HEPHL1: variants seen among roughly 807,000 people sequenced by gnomAD.
The protein encoded by HEPHL1 is ferroxidase HEPHL1.
In HEPHL1, 123 loss-of-function variants were observed where a neutral mutation model predicts 122.0. That is an observed-to-expected ratio of 1.01 (90% CI 0.87 to 1.17). The LOEUF is 1.17. Among genes scored for constraint, HEPHL1 ranks in the 50% most tolerant of loss-of-function variants. HEPHL1 has a pLI of 0.00. For synonymous variants in HEPHL1, 527 were observed against 508.9 expected (o/e 1.04, Z -0.48); for missense variants, 1,452 against 1,430.5 (o/e 1.01, Z -0.24).
At chr11:94,029,017 T>C (rs1945649340) in intron 1 of HEPHL1, among the ~76,000 whole-genome samples, 2 of 152,208 alleles carry the variant, frequency 1.3e-5, no homozygotes, top group African/African-American at 2.4e-5. Flanking sequence ...TAAAAAAGTA[T>C]AGGATCTCAC....
intron 9 of HEPHL1, among the ~76,000 whole-genome samples, chr11:94,076,748 A>C (rs997474577): frequency 6.6e-6 from 1 of 152,218 alleles, no homozygotes; most frequent in South Asian, 2.1e-4. Context: ...CTATAAGCAA[A>C]ATGGTCAGTC....
intron 13 of HEPHL1, among the ~76,000 whole-genome samples, chr11:94,096,592 G>T (rs930237181): frequency 1.1e-4 from 16 of 152,184 alleles, no homozygotes; most frequent in Non-Finnish European, 1.9e-4. Context: ...CAGAAGGAAT[G>T]GTACCAGCTC....
Position 94,045,601 on chromosome 11 carries a change from A to T in HEPHL1, c.171-72A>T, listed in dbSNP as rs1376479845. On this transcript the variant is annotated intron_variant, in intron 1 of 19. Transcript: ENST00000315765. ...AGAGGTCATACATGCAATACTTTAT[A>T]AACTCCTAGTGGTAAGCTATTAGGT... 2.1e-5 allele frequency: 28 copies of T among 1,327,114 alleles called. 1 individual carries two copies. The Admixed American group carries it at 6.2e-4, about 30-fold the overall frequency. The allele number at this position is 1,327,114 out of a possible 1,614,324, so 82.2% of individuals were successfully genotyped here. A position where few individuals can be genotyped will look rare whatever the true frequency, so the allele number is the denominator to read the frequency against.
intron 13 of HEPHL1, among the ~76,000 whole-genome samples, chr11:94,097,500 T>C (rs1222000195): frequency 1.3e-5 from 2 of 152,234 alleles, no homozygotes; most frequent in Non-Finnish European, 2.9e-5. Context: ...TCTGCTGATT[T>C]GGGGTAGAGA....
intron 5 of HEPHL1, 62 bp downstream of exon 5, chr11:94,067,812 C>G (rs1242776276): frequency 6.7e-7 from 1 of 1,498,778 alleles, no homozygotes; most frequent in African/African-American, 1.4e-5. Flanking sequence ...CACACAGTCA[C>G]TAGTGCTCAT....
chr11:94,043,614 C>T (rs1004315163), intron 1 of HEPHL1, among the ~76,000 whole-genome samples: 9 of 152,120 alleles, frequency 5.9e-5, no homozygotes, highest in Non-Finnish European at 1.3e-4. Flanking sequence ...GGTGTGCTCT[C>T]CCACTCTGGG....
rs185434317 is a variant in HEPHL1, at chr11:94,022,616, G to C, written c.170+1078G>C. On this transcript the variant is annotated intron_variant, in intron 1 of 19. Coordinates refer to ENST00000315765, the MANE Select transcript of HEPHL1 (RefSeq NM_001098672.2). ...TCATGTTTTGTTTACCAAAGATGAA[G>C]CCTGTGCCAGACAAGCTGCCAAGGC... Among the ~76,000 whole-genome samples, 316 of 152,336 alleles carry C rather than the reference G, an allele frequency of 2.1e-3. 1 individual carries two copies. Among genetic ancestry groups the C allele is most frequent in the Non-Finnish European group, 2.9e-3 (198 of 68,036 alleles).
intron 17 of HEPHL1, among the ~76,000 whole-genome samples, chr11:94,107,273 G>C (rs1269013610): frequency 6.6e-6 from 1 of 152,160 alleles, no homozygotes; most frequent in Admixed American, 6.5e-5. Flanking sequence ...AGCCTGCTAT[G>C]ATTAGAGTTT....
chr11:94,104,064 G>A (rs771884920), intron 15 of HEPHL1, among the ~76,000 whole-genome samples: 3 of 152,170 alleles, frequency 2.0e-5, no homozygotes, highest in Admixed American at 6.5e-5. Context: ...AATTCTATAG[G>A]AGTGGCAGGC....
chr11:94,059,176 T>C (rs1211688848), intron 2 of HEPHL1, among the ~76,000 whole-genome samples: 2 of 152,184 alleles, frequency 1.3e-5, no homozygotes, highest in Non-Finnish European at 2.9e-5. Flanking sequence ...GCTATAATGC[T>C]TTCTGTTTTT....
At chr11:94,024,300 C>A (rs1231566179) in intron 1 of HEPHL1, among the ~76,000 whole-genome samples, 1 of 152,196 alleles carries the variant, frequency 6.6e-6, no homozygotes, top group Non-Finnish European at 1.5e-5. Context: ...TATAATCTCT[C>A]TGAATATCAC....
At chr11:94,105,275 C>T (rs1946399408) in intron 16 of HEPHL1, among the ~76,000 whole-genome samples, 1 of 152,150 alleles carries the variant, frequency 6.6e-6, no homozygotes, top group Non-Finnish European at 1.5e-5. Flanking sequence ...AAGGCCTTGC[C>T]CAAGGTCACA....
At chr11:94,069,112 G>C (rs1946055664) in intron 5 of HEPHL1, among the ~76,000 whole-genome samples, 2 of 152,152 alleles carry the variant, frequency 1.3e-5, no homozygotes, top group South Asian at 4.1e-4. Flanking sequence ...GGAAGAAACT[G>C]TAGATTTAAA....
Position 94,073,340 on chromosome 11 carries a change from C to T in HEPHL1, c.1405C>T (p.Leu469=), listed in dbSNP as rs549708756. 1 of 1,606,830 alleles carries T rather than the reference C, an allele frequency of 6.2e-7. No homozygotes were observed. The highest frequency in any genetic ancestry group is 1.3e-5 in the African/African-American group (1 of 74,932). Residue 469 remains leucine, a synonymous_variant, in exon 8 of 20, where the codon CTG becomes TTG. Transcript: ENST00000315765. Reference sequence around the variant, plus strand: ...CATCAAGGCAGAGGTGGGTGATACCCTGTTAGTGACCTTTGCCAACAAAGC... The same window carrying T: ...CATCAAGGCAGAGGTGGGTGATACCTTGTTAGTGACCTTTGCCAACAAAGC... ...PVIKAEVGDT[L]LVTFANKADK... is the part of the protein sequence containing the mutation.
At chr11:94,026,186 C>T (rs940073691) in intron 1 of HEPHL1, among the ~76,000 whole-genome samples, 3 of 152,074 alleles carry the variant, frequency 2.0e-5, no homozygotes, top group Non-Finnish European at 2.9e-5. Context: ...CTCCAGCCAT[C>T]GTGTCTACAT....
chr11:94,064,774 T>C (rs1946020007), intron 4 of HEPHL1, among the ~76,000 whole-genome samples: 1 of 152,146 alleles, frequency 6.6e-6, no homozygotes, highest in Non-Finnish European at 1.5e-5. Context: ...GGATCGATGT[T>C]ATATTGTAAT....
chr11:94,037,881 C>A (rs1477553500), intron 1 of HEPHL1, among the ~76,000 whole-genome samples: 44 of 152,006 alleles, frequency 2.9e-4, no homozygotes, highest in Admixed American at 2.0e-3. Flanking sequence ...AATGATTTTG[C>A]CGAGCTGACA....
intron 5 of HEPHL1, among the ~76,000 whole-genome samples, chr11:94,068,929 T>C (rs1946054707): frequency 6.6e-6 from 1 of 152,204 alleles, no homozygotes; most frequent in Non-Finnish European, 1.5e-5. Flanking sequence ...TTGTAACACA[T>C]TCTTGTTCCT....
At chr11:94,055,874 C>T (rs1304586491) in intron 2 of HEPHL1, 1 of 648,304 alleles carries the variant, frequency 1.5e-6, no homozygotes, top group Non-Finnish European at 2.7e-6. Context: ...TAGCTCTGTG[C>T]TCAGCATCCA....
Sources: allele counts gnomAD v4.1 joint callset (sites outside exome capture counted in the v4.1 genomes callset), GRCh38; gene constraint gnomAD v4.1.1; transcripts MANE v1.5; gene names NCBI Gene and HGNC (gene_info 2026-07-23, HGNC 2026-07-21).